The following KHDRBS3 variants were observed in gnomAD, a reference collection of about 807,000 sequenced individuals.
KHDRBS3 encodes KH domain-containing, RNA-binding, signal transduction-associated protein 3.
In KHDRBS3, 23 loss-of-function variants were observed where a neutral mutation model predicts 45.6. The ratio of observed to expected loss-of-function variants is 0.50; its 90% confidence interval spans 0.36 to 0.72. The LOEUF (loss-of-function observed/expected upper bound fraction) is 0.72. Among genes scored for constraint, KHDRBS3 ranks in the 30% least tolerant of loss-of-function variants. The pLI is 0.00. For missense variants in KHDRBS3, 352 were observed against 424.8 expected (o/e 0.83, Z 1.51); for synonymous variants, 162 against 156.5 (o/e 1.04, Z -0.26).
chr8:135,559,907 G>T (rs1250809405), intron 5 of KHDRBS3, among the ~76,000 whole-genome samples: 2 of 152,052 alleles, frequency 1.3e-5, no homozygotes, highest in Admixed American at 1.3e-4. Flanking sequence ...AACAGAAAAT[G>T]CATATAGATA....
At chr8:135,461,192 C>G (rs1011768154) in intron 1 of KHDRBS3, among the ~76,000 whole-genome samples, 2 of 152,128 alleles carry the variant, frequency 1.3e-5, no homozygotes, top group African/African-American at 4.8e-5. Context: ...GTAACCTCTG[C>G]CTTCTGGGTT....
chr8:135,481,250 A>ATATATATATATATATATATATT (rs1285436029), intron 1 of KHDRBS3, among the ~76,000 whole-genome samples: 110 of 125,520 alleles, frequency 8.8e-4, no homozygotes, highest in Middle Eastern at 3.8e-3. Flanking sequence ...ATATATATAT[A>ATATATATATATATATATATATT]TTTAATGTAA....
chr8:135,648,235 A>T (rs1831361541), downstream of KHDRBS3: 1 of 152,188 alleles, frequency 6.6e-6, no homozygotes, highest in African/African-American at 2.4e-5. Context: ...AAGTTTTAAG[A>T]TCACCTAAAT....
chr8:135,512,429 C>CGGCGGG lies in KHDRBS3; in HGVS notation c.89-8806_89-8805insCGGGGG, dbSNP rs142771026. 2.6e-5 allele frequency among the ~76,000 whole-genome samples: 2 copies of CGGCGGG among 78,122 alleles called. 1 individual carries two copies. The highest frequency in any genetic ancestry group is 1.3e-4 in the African/African-American group (2 of 15,078). The allele number at this position is 78,122 out of a possible 152,430, so 51.3% of individuals were successfully genotyped here. The stretch of plus-strand genomic sequence containing the variant: ...CAAGAGTTAAGGTGTTTGGAAAAGT[C>CGGCGGG]GGGGGGGGGGTAATAACTCTATTGA... On this transcript the variant is annotated intron_variant, in intron 1 of 8. Coordinates refer to ENST00000355849, the MANE Select transcript of KHDRBS3 (RefSeq NM_006558.3).
At chr8:135,602,785 A>G (rs1209274204) in intron 6 of KHDRBS3, among the ~76,000 whole-genome samples, 1 of 152,208 alleles carries the variant, frequency 6.6e-6, no homozygotes, top group Non-Finnish European at 1.5e-5. Context: ...CCTCACACCA[A>G]GAGATATTTC....
At chr8:135,602,480 G>T (rs1041145892) in intron 6 of KHDRBS3, among the ~76,000 whole-genome samples, 1 of 152,012 alleles carries the variant, frequency 6.6e-6, no homozygotes, top group African/African-American at 2.4e-5. Flanking sequence ...TGAAAATTCA[G>T]ATAAATTGCT....
At position 135,645,043 on chromosome 8, in the gene KHDRBS3, T is replaced by C; in HGVS notation, c.891-16T>C. On this transcript the variant is annotated splice_polypyrimidine_tract_variant and intron_variant, in intron 7 of 8. Transcript: ENST00000355849. The stretch of plus-strand genomic sequence containing the variant: ...CCAGATGATTTTGTCCTTTGTTTTG[T>C]TTTGATCACTTGCAGTGGTGCTGAT... The C allele has an allele frequency of 6.2e-7, 1 of 1,612,202 alleles. No homozygotes were observed. The highest frequency in any genetic ancestry group is 1.1e-5 in the South Asian group (1 of 91,072).
chr8:135,457,989 G>A lies in KHDRBS3; in HGVS notation c.88+35G>A, dbSNP rs754491014. 1.9e-6 allele frequency: 3 copies of A among 1,551,674 alleles called. No individual in the cohort carries two copies. The highest frequency in any genetic ancestry group is 1.7e-6 in the Non-Finnish European group (2 of 1,150,796). ...CGGCCGTTAACTGCCGGCCGGCGGC[G>A]GTTGGGGGCCGGGTGGAAACGCGGG... is the stretch of plus-strand genomic sequence containing the variant. On this transcript the variant is annotated intron_variant, in intron 1 of 8. Transcript: ENST00000355849. This position sits in a 1 kb window ranked among gnomAD's most constrained non-coding sequence, Gnocchi z 4.4.
intron 1 of KHDRBS3, among the ~76,000 whole-genome samples, chr8:135,490,936 T>C (rs1048030493): frequency 2.6e-5 from 4 of 152,186 alleles, no homozygotes. Flanking sequence ...AAATCAGGAA[T>C]TTTTATGTTG....
chr8:135,587,467 G>A (rs1472022473), intron 6 of KHDRBS3, among the ~76,000 whole-genome samples: 1 of 152,154 alleles, frequency 6.6e-6, no homozygotes, highest in Non-Finnish European at 1.5e-5. Flanking sequence ...GAAGAAAACA[G>A]ATAGTGGATG....
chr8:135,534,559 C>G (rs1378257847), intron 2 of KHDRBS3, among the ~76,000 whole-genome samples: 2 of 152,090 alleles, frequency 1.3e-5, no homozygotes, highest in Non-Finnish European at 2.9e-5. Flanking sequence ...AAAAAGAAGG[C>G]GACAGGCAGG....
At chr8:135,477,155 CAGAT>C (rs1023597959) in intron 1 of KHDRBS3, among the ~76,000 whole-genome samples, 32 of 152,016 alleles carry the variant, frequency 2.1e-4, no homozygotes, top group Non-Finnish European at 7.4e-5. Flanking sequence ...GTTACATATA[CAGAT>C]AGATAGATAC....
chr8:135,649,814 C>T (rs1332070826), downstream of KHDRBS3, among the ~76,000 whole-genome samples: 1 of 152,008 alleles, frequency 6.6e-6, no homozygotes, highest in Non-Finnish European at 1.5e-5. Flanking sequence ...AAATACTGTA[C>T]AATTTTATGT....
At chr8:135,498,872 G>A (rs2130487302) in intron 1 of KHDRBS3, among the ~76,000 whole-genome samples, 1 of 152,310 alleles carries the variant, frequency 6.6e-6, no homozygotes, top group East Asian at 1.9e-4. Flanking sequence ...TACCTGTGGT[G>A]AGCGTCGTGG....
chr8:135,567,487 C>T (rs775109188), intron 5 of KHDRBS3, among the ~76,000 whole-genome samples: 47 of 152,208 alleles, frequency 3.1e-4, no homozygotes, highest in Non-Finnish European at 4.9e-4. Flanking sequence ...GCACCCCGTG[C>T]TATACTTTGC....
At chr8:135,468,791 T>G (rs1411035289) in intron 1 of KHDRBS3, among the ~76,000 whole-genome samples, 2 of 152,230 alleles carry the variant, frequency 1.3e-5, no homozygotes, top group African/African-American at 4.8e-5. Context: ...TAATGATAAT[T>G]GTGGGCTCTT....
intron 7 of KHDRBS3, among the ~76,000 whole-genome samples, chr8:135,632,749 G>T (rs901153389): frequency 9.9e-5 from 15 of 152,038 alleles, no homozygotes; most frequent in African/African-American, 2.4e-5. Context: ...CCTCTCAGTG[G>T]CCTGCATGAC....
intron 1 of KHDRBS3, among the ~76,000 whole-genome samples, chr8:135,509,973 C>CTTTT (rs1326914089): frequency 7.1e-6 from 1 of 141,506 alleles, no homozygotes; most frequent in Non-Finnish European, 1.5e-5. Flanking sequence ...TTTCCCCCCC[C>CTTTT]CTTTTTTTTT....
chr8:135,474,761 A>G (rs971056174), intron 1 of KHDRBS3, among the ~76,000 whole-genome samples: 1 of 152,208 alleles, frequency 6.6e-6, no homozygotes, highest in African/African-American at 2.4e-5. Flanking sequence ...GTGAGAGTGT[A>G]TTGGTTTTCT....
Sources: allele counts gnomAD v4.1 joint callset (sites outside exome capture counted in the v4.1 genomes callset), GRCh38; gene constraint gnomAD v4.1.1; non-coding constraint Gnocchi (gnomAD v3.1); transcripts MANE v1.5; gene names NCBI Gene and HGNC (gene_info 2026-07-23, HGNC 2026-07-21).